The following UBE3A variants were observed in gnomAD, a reference collection of about 807,000 sequenced individuals.
UBE3A encodes the protein ubiquitin-protein ligase E3A.
A neutral mutation model predicts 83.4 loss-of-function variants in UBE3A; 6 were observed. The observed-to-expected ratio is 0.07, with a 90% CI of 0.04 to 0.14. UBE3A has a LOEUF of 0.14. Ranked by LOEUF, UBE3A falls within the 10% of genes least tolerant of loss-of-function variation. UBE3A has a pLI of 1.00. For synonymous variants in UBE3A, 337 were observed against 355.4 expected, an observed-to-expected ratio of 0.95 and a Z score of 0.58; for missense variants, 456 against 1,036.1, an observed-to-expected ratio of 0.44 and a Z score of 7.69.
At chr15:25,345,663 G>C (rs1444766954) in intron 11 of UBE3A, 1 of 151,774 alleles carries the variant, frequency 6.6e-6, no homozygotes, top group African/African-American at 2.4e-5. Flanking sequence ...ACATGAGAAT[G>C]GTGTCCCTAC....
chr15:25,384,863 G>A (rs2152920598), intron 4 of UBE3A, among the ~76,000 whole-genome samples: 1 of 152,224 alleles, frequency 6.6e-6, no homozygotes, highest in Non-Finnish European at 1.5e-5. Flanking sequence ...AGGGAAAAGA[G>A]GTTCTTCAAC....
intron 4 of UBE3A, among the ~76,000 whole-genome samples, chr15:25,388,317 T>A (rs1001126364): frequency 3.9e-5 from 6 of 152,138 alleles, no homozygotes; most frequent in African/African-American, 1.2e-4. Context: ...TGGTTCAATA[T>A]TGGAAAATCA....
intron 8 of UBE3A, 147 bp from the exon 9 acceptor site, chr15:25,356,203 G>T: frequency 2.1e-6 from 2 of 958,324 alleles, no homozygotes; most frequent in Non-Finnish European, 3.2e-6. Context: ...CCCCCAAATA[G>T]TTTCCAACCT....
rs139214824 is a variant in UBE3A, at chr15:25,397,059, T to C, written c.62+8402A>G. 8.0e-3 allele frequency among the ~76,000 whole-genome samples: 1,226 copies of C among 152,318 alleles called. 14 individuals are homozygous for C. The highest frequency in any genetic ancestry group is 0.013 in the Non-Finnish European group (914 of 68,018). ...ATTAGGACAAATACTATTAAGGTAT[T>C]AGGTTGGTACAAAAGTAATTGAACA... On this transcript the variant is annotated intron_variant, in intron 4 of 12. Coordinates refer to ENST00000648336, the MANE Select transcript of UBE3A (RefSeq NM_130839.5).
At chr15:25,378,019 C>T (rs2081506302) in intron 4 of UBE3A, among the ~76,000 whole-genome samples, 1 of 151,980 alleles carries the variant, frequency 6.6e-6, no homozygotes, top group Non-Finnish European at 1.5e-5. Flanking sequence ...CTTATTTATT[C>T]TTTCCATAGT....
chr15:25,400,852 A>G (rs1230653047), intron 4 of UBE3A, among the ~76,000 whole-genome samples: 2 of 152,252 alleles, frequency 1.3e-5, no homozygotes, highest in Non-Finnish European at 2.9e-5. Flanking sequence ...TAGAAATGGC[A>G]AAAGTGGGCA....
At chr15:25,386,227 G>C (rs1018690630) in intron 4 of UBE3A, among the ~76,000 whole-genome samples, 1 of 151,984 alleles carries the variant, frequency 6.6e-6, no homozygotes, top group African/African-American at 2.4e-5. Flanking sequence ...TAAGACTACA[G>C]AACTCTTCTC....
At chr15:25,367,249 G>GTAAATATGTAAATATTTT (rs1566941812) in intron 6 of UBE3A, among the ~76,000 whole-genome samples, 8 of 49,334 alleles carry the variant, frequency 1.6e-4, no homozygotes, top group Non-Finnish European at 2.2e-4. Flanking sequence ...GTAAATATTT[G>GTAAATATGTAAATATTTT]CATATTTGTA....
At chr15:25,389,717 G>A (rs1477129430) in intron 4 of UBE3A, among the ~76,000 whole-genome samples, 17 of 152,066 alleles carry the variant, frequency 1.1e-4, no homozygotes, top group Admixed American at 1.1e-3. Flanking sequence ...GTGAAACCCC[G>A]TGTCTACTAA....
At chr15:25,436,398 T>C (rs753633519) in intron 1 of UBE3A, among the ~76,000 whole-genome samples, 1 of 152,208 alleles carries the variant, frequency 6.6e-6, no homozygotes, top group Non-Finnish European at 1.5e-5. Flanking sequence ...AGAACATAAC[T>C]AGCAGTCATT....
Position 25,375,770 on chromosome 15 carries a change from CAAACATTCA to C in UBE3A, c.63-16_63-8del. The C allele has an allele frequency of 6.2e-7, 1 of 1,606,614 alleles. No homozygotes were observed. The highest frequency in any genetic ancestry group is 8.5e-7 in the Non-Finnish European group (1 of 1,179,968). On this transcript the variant is annotated splice_region_variant and splice_polypyrimidine_tract_variant and intron_variant, in intron 4 of 12. Coordinates refer to ENST00000648336, the MANE Select transcript of UBE3A (RefSeq NM_130839.5). ...CTTTGCAGCTGCTCGCTTCCTGTAC[CAAACATTCA>C]AACAATAAGCACAGTGATTAGTACA...
chr15:25,345,591 A>ACACAC (rs1555384547), intron 11 of UBE3A: 5 of 126,012 alleles, frequency 4.0e-5, no homozygotes, highest in African/African-American at 1.5e-4. Flanking sequence ...CACACACACA[A>ACACAC]ATAAATAAAT....
intron 4 of UBE3A, among the ~76,000 whole-genome samples, chr15:25,379,913 C>T (rs1448150278): frequency 6.6e-6 from 1 of 152,056 alleles, no homozygotes; most frequent in Non-Finnish European, 1.5e-5. Context: ...CTGGAACATA[C>T]CCAAGTTCAT....
chr15:25,393,833 G>T (rs1045794931), intron 4 of UBE3A: 1 of 152,160 alleles, frequency 6.6e-6, no homozygotes, highest in African/African-American at 2.4e-5. Flanking sequence ...CCTTCCACAC[G>T]TGATGCCTTT....
intron 11 of UBE3A, among the ~76,000 whole-genome samples, chr15:25,340,657 T>C (rs2074587867): frequency 6.6e-6 from 1 of 152,178 alleles, no homozygotes; most frequent in African/African-American, 2.4e-5. Context: ...TTTATTCTCC[T>C]GGTCTACTCA....
intron 4 of UBE3A, among the ~76,000 whole-genome samples, chr15:25,397,454 A>G (rs2085846809): frequency 6.6e-6 from 1 of 152,146 alleles, no homozygotes; most frequent in South Asian, 2.1e-4. Context: ...CTCTTCCAGA[A>G]AGATCTCTAG....
chr15:25,430,176 TTATATATATAATACATATATATAAG>T (rs1892908874), intron 1 of UBE3A, among the ~76,000 whole-genome samples: 1 of 10,846 alleles, frequency 9.2e-5, no homozygotes, highest in Non-Finnish European at 1.5e-4. Context: ...TATATATATA[TTATATATATAATACATATATATAAG>T]ATTATATATA....
At chr15:25,355,777 G>A in intron 9 of UBE3A, 115 bp downstream of exon 9, 2 of 1,062,350 alleles carry the variant, frequency 1.9e-6, no homozygotes, top group Non-Finnish European at 2.7e-6. Context: ...CATAAACTTA[G>A]TTACTTGTTT....
At chr15:25,347,768 T>TA (rs2075917676) in intron 11 of UBE3A, among the ~76,000 whole-genome samples, 1 of 151,898 alleles carries the variant, frequency 6.6e-6, no homozygotes, top group South Asian at 2.1e-4. Context: ...TTAAAAATCT[T>TA]AAAAAATGTT....
Sources: allele counts gnomAD v4.1 joint callset (sites outside exome capture counted in the v4.1 genomes callset), GRCh38; gene constraint gnomAD v4.1.1; transcripts MANE v1.5; gene names NCBI Gene and HGNC (gene_info 2026-07-23, HGNC 2026-07-21).